SPINK13: variants seen among roughly 807,000 people sequenced by gnomAD.
SPINK13 encodes the protein serine protease inhibitor Kazal-type 13.
A neutral mutation model predicts 11.0 loss-of-function variants in SPINK13; 11 were observed. The ratio of observed to expected loss-of-function variants is 1.00; its 90% CI spans 0.63 to 1.65. SPINK13 has a LOEUF of 1.65. SPINK13 is among the 40% of genes most tolerant of loss of function. SPINK13 has a pLI of 0.00. For synonymous variants in SPINK13, 31 were observed against 35.6 expected (o/e 0.87, Z 0.46); for missense variants, 113 against 117.7 (o/e 0.96, Z 0.19).
chr5:148,283,660 C>T (rs553078881), intron 4 of SPINK13, among the ~76,000 whole-genome samples: 15 of 152,252 alleles, frequency 9.9e-5, no homozygotes, highest in Non-Finnish European at 1.8e-4. Context: ...AAAAGATGAA[C>T]GAGATACCAG....
chr5:148,270,163 T>C, intron 2 of SPINK13, 21 bp downstream of exon 2: 2 of 1,609,782 alleles, frequency 1.2e-6, no homozygotes, highest in Non-Finnish European at 1.7e-6. Flanking sequence ...TAAGAGGTTT[T>C]GGGAGATAAA....
chr5:148,284,850 C>T (rs1756567938), intron 4 of SPINK13, among the ~76,000 whole-genome samples: 1 of 152,014 alleles, frequency 6.6e-6, no homozygotes, highest in South Asian at 2.1e-4. Flanking sequence ...TTAATGAATC[C>T]CTCAAGCCTA....
chr5:148,283,395 C>G lies in SPINK13; in HGVS notation c.236+1164C>G, dbSNP rs79566282. Reference sequence around the variant, plus strand: ...CAGACCCAGGTCCTGGATATACAAACATACCCTATTGCACAGACTATTCCA... The same window carrying G: ...CAGACCCAGGTCCTGGATATACAAAGATACCCTATTGCACAGACTATTCCA... On this transcript the variant is annotated intron_variant, in intron 4 of 4. Coordinates refer to ENST00000398450, the MANE Select transcript of SPINK13 (RefSeq NM_001040129.3). Among the ~76,000 whole-genome samples the G allele has an allele frequency of 8.1e-3, 1,238 of 152,296 alleles. 65 individuals are homozygous for G. In the East Asian group the frequency reaches 0.14, roughly 17 times the overall value.
intron 3 of SPINK13, among the ~76,000 whole-genome samples, chr5:148,281,603 C>T (rs375997734): frequency 2.0e-5 from 3 of 152,252 alleles, no homozygotes; most frequent in African/African-American, 7.2e-5. Context: ...GTTTACCCTC[C>T]GTGGGCTGTA....
At chr5:148,272,422 C>CT (rs370123769) in intron 2 of SPINK13, among the ~76,000 whole-genome samples, 2 of 152,038 alleles carry the variant, frequency 1.3e-5, no homozygotes, top group Non-Finnish European at 2.9e-5. Flanking sequence ...AATTGAGATT[C>CT]TTTTTTTGTT....
rs114232687 is a variant in SPINK13, at chr5:148,278,100, T to C, written c.108+3716T>C. Among the ~76,000 whole-genome samples the C allele has an allele frequency of 6.8e-3, 1,038 of 152,302 alleles. 14 individuals carry two copies. The highest frequency in any genetic ancestry group is 0.02 in the African/African-American group (813 of 41,574). On this transcript the variant is annotated intron_variant, in intron 3 of 4. Coordinates refer to ENST00000398450, the MANE Select transcript of SPINK13 (RefSeq NM_001040129.3). ...TATTCTCTGATGGTAGTTTGTATTCTGGAGGGATTGCTCGTGATATCCCCT... is the reference window on the plus strand; with the variant it reads ...TATTCTCTGATGGTAGTTTGTATTCCGGAGGGATTGCTCGTGATATCCCCT...
intron 1 of SPINK13, 24 bp from the exon 2 acceptor site, chr5:148,270,016 A>G: frequency 6.4e-7 from 1 of 1,572,392 alleles, no homozygotes; most frequent in South Asian, 1.1e-5. Context: ...GGGAAACTAA[A>G]AACAATCTTG....
chr5:148,272,438 T>C (rs923588000), intron 2 of SPINK13, among the ~76,000 whole-genome samples: 7 of 152,204 alleles, frequency 4.6e-5, no homozygotes, highest in African/African-American at 1.4e-4. Flanking sequence ...TTGTTTTCCT[T>C]CCAGAAGCCC....
intron 1 of SPINK13, among the ~76,000 whole-genome samples, 200 bp from the exon 2 acceptor site, chr5:148,269,840 A>C (rs957200630): frequency 1.3e-5 from 2 of 152,046 alleles, no homozygotes; most frequent in South Asian, 2.1e-4. Flanking sequence ...TGGCAGAAAA[A>C]AAAAAGTCAT....
chr5:148,272,265 C>A (rs1756362391), intron 2 of SPINK13, among the ~76,000 whole-genome samples: 1 of 152,040 alleles, frequency 6.6e-6, no homozygotes, highest in Non-Finnish European at 1.5e-5. Context: ...AGTTGCTATG[C>A]TACAATGTGT....
chr5:148,272,082 C>T (rs1181066453), intron 2 of SPINK13, among the ~76,000 whole-genome samples: 1 of 152,100 alleles, frequency 6.6e-6, no homozygotes, highest in Non-Finnish European at 1.5e-5. Context: ...AATAATATCC[C>T]AATGTGCGAC....
At chr5:148,278,436 T>G (rs907320250) in intron 3 of SPINK13, among the ~76,000 whole-genome samples, 5 of 152,228 alleles carry the variant, frequency 3.3e-5, no homozygotes, top group African/African-American at 1.2e-4. Flanking sequence ...TGAACACTGC[T>G]TTAGCTGTGT....
chr5:148,275,683 C>T (rs1158706656), intron 3 of SPINK13, among the ~76,000 whole-genome samples: 3 of 148,088 alleles, frequency 2.0e-5, no homozygotes, highest in Admixed American at 1.3e-4. Flanking sequence ...TTTTTTTTGA[C>T]GGAGTCTCAC....
At chr5:148,285,243 G>T (rs1474514827) in intron 4 of SPINK13, among the ~76,000 whole-genome samples, 2 of 152,062 alleles carry the variant, frequency 1.3e-5, no homozygotes, top group African/African-American at 4.8e-5. Flanking sequence ...TTACCCACTA[G>T]GCTCCAAGCA....
At chr5:148,274,481 C>A in intron 3 of SPINK13, 97 bp downstream of exon 3, 1 of 967,754 alleles carries the variant, frequency 1.0e-6, no homozygotes, top group South Asian at 1.7e-5. Context: ...GGCACAGTGG[C>A]TCATGCCTGT....
chr5:148,274,616 G>A (rs866547653), intron 3 of SPINK13, among the ~76,000 whole-genome samples: 16 of 152,108 alleles, frequency 1.1e-4, no homozygotes, highest in African/African-American at 3.4e-4. Flanking sequence ...GTGTGGTGGG[G>A]CAAGGCTGTA....
At chr5:148,274,423 T>C in intron 3 of SPINK13, 39 bp downstream of exon 3, 2 of 1,520,350 alleles carry the variant, frequency 1.3e-6, no homozygotes, top group Non-Finnish European at 9.1e-7. Flanking sequence ...GTAATTCTAG[T>C]CTAATCACTC....
chr5:148,274,470 A>C (rs1172017726), intron 3 of SPINK13, 86 bp downstream of exon 3: 4 of 1,115,848 alleles, frequency 3.6e-6, no homozygotes, highest in Non-Finnish European at 5.3e-6. Flanking sequence ...ATGGAAAGTC[A>C]GGCACAGTGG....
At chr5:148,283,583 G>A (rs1039307519) in intron 4 of SPINK13, among the ~76,000 whole-genome samples, 32 of 152,094 alleles carry the variant, frequency 2.1e-4, no homozygotes, top group African/African-American at 7.5e-4. Context: ...GTCCTTTAAA[G>A]AAAAAGAATG....
Sources: allele counts gnomAD v4.1 joint callset (sites outside exome capture counted in the v4.1 genomes callset), GRCh38; gene constraint gnomAD v4.1.1; transcripts MANE v1.5; gene names NCBI Gene and HGNC (gene_info 2026-07-23, HGNC 2026-07-21).